The following ANGPT1 variants were observed in gnomAD, a reference collection of about 807,000 sequenced individuals.
The protein encoded by ANGPT1 is angiopoietin 1.
ANGPT1 carries 17 observed loss-of-function variants against 62.2 expected under a neutral mutation model. The observed-to-expected ratio is 0.27, with a 90% CI of 0.19 to 0.41. The LOEUF (loss-of-function observed/expected upper bound fraction) is 0.41. ANGPT1 is among the 10% of genes least tolerant of loss of function. ANGPT1 has a pLI of 1.00. For synonymous variants in ANGPT1, 199 were observed against 198.9 expected (o/e 1.00, Z 0.00); for missense variants, 478 against 594.9 (o/e 0.80, Z 2.04).
chr8:107,367,400 T>C (rs1486628204), intron 1 of ANGPT1, among the ~76,000 whole-genome samples: 1 of 152,212 alleles, frequency 6.6e-6, no homozygotes, highest in Non-Finnish European at 1.5e-5. Context: ...GAGGGTTTTG[T>C]CTTGATGTTG....
rs114994182 is a variant in ANGPT1, at chr8:107,289,274, C to T, written c.1039-4426G>A. On this transcript the variant is annotated intron_variant, in intron 6 of 8. Coordinates refer to ENST00000517746, the MANE Select transcript of ANGPT1 (RefSeq NM_001146.5). ...AAAACACATGCAAAGGAAAGATCAA[C>T]ATTTGTTAGTTTTTGCCAAAACCTG... 3.5e-3 allele frequency among the ~76,000 whole-genome samples: 526 copies of T among 152,224 alleles called. 6 individuals carry two copies. The highest frequency in any genetic ancestry group is 0.012 in the African/African-American group (497 of 41,568).
chr8:107,374,377 A>C (rs1340208266), intron 1 of ANGPT1, among the ~76,000 whole-genome samples: 1 of 152,228 alleles, frequency 6.6e-6, no homozygotes, highest in Non-Finnish European at 1.5e-5. Context: ...CTCATGAGGA[A>C]ATATACCTTA....
intron 1 of ANGPT1, among the ~76,000 whole-genome samples, chr8:107,359,919 G>T (rs1447777204): frequency 5.3e-5 from 8 of 152,050 alleles, no homozygotes; most frequent in Non-Finnish European, 1.0e-4. Flanking sequence ...ATAAAATAAA[G>T]AACTAGAGAA....
At chr8:107,292,901 A>T (rs2130175492) in intron 6 of ANGPT1, among the ~76,000 whole-genome samples, 1 of 152,306 alleles carries the variant, frequency 6.6e-6, no homozygotes, top group South Asian at 2.1e-4. Flanking sequence ...TGGTGAGAGA[A>T]AATTTGTCAA....
At chr8:107,312,302 T>C (rs1311741962) in intron 4 of ANGPT1, among the ~76,000 whole-genome samples, 1 of 152,206 alleles carries the variant, frequency 6.6e-6, no homozygotes, top group Non-Finnish European at 1.5e-5. Flanking sequence ...ATTTCCCATA[T>C]ACTTTTTTTC....
chr8:107,252,304 G>T (rs1813264052), intron 8 of ANGPT1, among the ~76,000 whole-genome samples: 2 of 151,960 alleles, frequency 1.3e-5, no homozygotes, highest in South Asian at 4.1e-4. Flanking sequence ...GAAGCCTCTG[G>T]GCTTCAAGAT....
chr8:107,298,581 A>G (rs1027269500), intron 5 of ANGPT1, among the ~76,000 whole-genome samples: 14 of 151,798 alleles, frequency 9.2e-5, no homozygotes, highest in African/African-American at 3.1e-4. Flanking sequence ...GTCCTAGAAA[A>G]CCGTCTTTGG....
intron 1 of ANGPT1, among the ~76,000 whole-genome samples, chr8:107,382,393 C>A (rs1816656082): frequency 6.6e-6 from 1 of 152,022 alleles, no homozygotes. Flanking sequence ...GTGTAAATCC[C>A]ATATTTGTCA....
intron 1 of ANGPT1, among the ~76,000 whole-genome samples, chr8:107,468,505 C>CTTAT (rs1299815694): frequency 6.6e-6 from 1 of 151,916 alleles, no homozygotes; most frequent in East Asian, 1.9e-4. Context: ...ATTTGGATTT[C>CTTAT]TTATTTTTTA....
At position 107,451,628 on chromosome 8, in the gene ANGPT1, T is replaced by A. The variant is rs1454748959; in HGVS notation, c.297+45634A>T. Among the ~76,000 whole-genome samples the A allele has an allele frequency of 2.0e-5, 3 of 151,944 alleles. No homozygotes were observed. The South Asian group carries it at 6.2e-4, about 32-fold the overall frequency. On this transcript the variant is annotated intron_variant, in intron 1 of 8. Coordinates refer to ENST00000517746, the MANE Select transcript of ANGPT1 (RefSeq NM_001146.5). ...AACATGGAACTTGTTATTTTATAAA[T>A]CATTTGGACAATGATTTGTGAGAAG...
chr8:107,287,401 G>A (rs1236359176), intron 6 of ANGPT1, among the ~76,000 whole-genome samples: 1 of 152,184 alleles, frequency 6.6e-6, no homozygotes, highest in Non-Finnish European at 1.5e-5. Flanking sequence ...TCAGGAAGAA[G>A]TGACTAAAAA....
intron 1 of ANGPT1, among the ~76,000 whole-genome samples, chr8:107,469,651 A>G (rs1200737055): frequency 6.6e-6 from 1 of 151,982 alleles, no homozygotes; most frequent in Non-Finnish European, 1.5e-5. Flanking sequence ...CATCTTTGAA[A>G]AGAAAGAATA....
intron 7 of ANGPT1, among the ~76,000 whole-genome samples, chr8:107,276,560 CT>C (rs749037620): frequency 4.0e-5 from 6 of 151,840 alleles, no homozygotes; most frequent in Non-Finnish European, 8.8e-5. Flanking sequence ...CGAGAGAATT[CT>C]TTTCAATCCA....
At chr8:107,341,841 A>G (rs1344296346) in intron 2 of ANGPT1, among the ~76,000 whole-genome samples, 2 of 151,968 alleles carry the variant, frequency 1.3e-5, no homozygotes, top group Non-Finnish European at 2.9e-5. Context: ...GTTGTTTCCC[A>G]CAGGCTTATC....
chr8:107,276,896 T>C (rs1214287637), intron 7 of ANGPT1, among the ~76,000 whole-genome samples: 1 of 152,218 alleles, frequency 6.6e-6, no homozygotes, highest in African/African-American at 2.4e-5. Flanking sequence ...CAGGTTGTTT[T>C]CTTCACAATT....
At chr8:107,416,737 T>C (rs1810758142) in intron 1 of ANGPT1, among the ~76,000 whole-genome samples, 1 of 151,822 alleles carries the variant, frequency 6.6e-6, no homozygotes, top group African/African-American at 2.4e-5. Flanking sequence ...CTCCAGAGCA[T>C]GGGGCAGAAC....
chr8:107,474,003 G>A (rs1325871384), intron 1 of ANGPT1, among the ~76,000 whole-genome samples: 1 of 152,072 alleles, frequency 6.6e-6, no homozygotes, highest in African/African-American at 2.4e-5. Flanking sequence ...AATTCTACCA[G>A]AGGTACAAGG....
intron 1 of ANGPT1, among the ~76,000 whole-genome samples, chr8:107,403,571 C>A (rs755161844): frequency 1.3e-5 from 2 of 152,012 alleles, no homozygotes; most frequent in Non-Finnish European, 2.9e-5. Flanking sequence ...GAAAAAAAAT[C>A]AAGTTATAGG....
intron 1 of ANGPT1, among the ~76,000 whole-genome samples, chr8:107,443,118 G>GAATAT (rs1335731891): frequency 6.6e-5 from 10 of 152,066 alleles, no homozygotes; most frequent in African/African-American, 2.4e-4. Context: ...ACTTCCATCA[G>GAATAT]AATATCTACA....
Sources: gnomAD v4.1 joint callset for allele counts (sites outside exome capture counted in the v4.1 genomes callset) on GRCh38, gnomAD v4.1.1 for gene constraint, MANE v1.5 for transcripts, NCBI Gene and HGNC (gene_info 2026-07-23, HGNC 2026-07-21) for gene names.